Variants in S100PBP observed in about 807,000 individuals in gnomAD.
S100PBP encodes the protein S100P binding protein.
S100PBP carries 15 observed loss-of-function variants against 39.9 expected under a neutral mutation model. The ratio of observed to expected loss-of-function variants is 0.38; its 90% CI spans 0.25 to 0.58. The LOEUF is 0.58. Among genes scored for constraint, S100PBP ranks in the 20% least tolerant of loss-of-function variants. The pLI is 0.70. For synonymous variants in S100PBP, 178 were observed against 180.3 expected (o/e 0.99, Z 0.10); for missense variants, 504 against 487.3 (o/e 1.03, Z -0.32).
chr1:32,839,485 T>A (rs1248095950), intron 5 of S100PBP, among the ~76,000 whole-genome samples: 1 of 152,206 alleles, frequency 6.6e-6, no homozygotes, highest in Non-Finnish European at 1.5e-5. Context: ...AATTCTTACA[T>A]ACCAAGAAGA....
At chr1:32,825,107 A>G (rs1639266705) in intron 1 of S100PBP, 1 of 152,200 alleles carries the variant, frequency 6.6e-6, no homozygotes, top group Admixed American at 6.5e-5. Context: ...GGGAGGAACA[A>G]AACTAGTTTG....
intron 3 of S100PBP, 85 bp from the exon 4 acceptor site, chr1:32,827,908 A>G: frequency 1.0e-6 from 1 of 957,664 alleles, no homozygotes; most frequent in Non-Finnish European, 1.7e-6. Flanking sequence ...CTTTAGTTAA[A>G]AAATATTTCC....
intron 5 of S100PBP, among the ~76,000 whole-genome samples, chr1:32,833,527 A>T (rs1639690946): frequency 6.6e-6 from 1 of 152,066 alleles, no homozygotes; most frequent in South Asian, 2.1e-4. Context: ...ACACCTGGTT[A>T]ATTTTTGTAT....
At chr1:32,823,548 T>A (rs1639182610) in intron 1 of S100PBP, among the ~76,000 whole-genome samples, 1 of 152,140 alleles carries the variant, frequency 6.6e-6, no homozygotes, top group Non-Finnish European at 1.5e-5. Context: ...TAAGTTAGAG[T>A]CGTAAAATGT....
chr1:32,853,588 G>A (rs1434575154), intron 6 of S100PBP, among the ~76,000 whole-genome samples: 1 of 151,988 alleles, frequency 6.6e-6, no homozygotes, highest in East Asian at 1.9e-4. Context: ...AAAAAGTGAT[G>A]CAGTATAATG....
intron 5 of S100PBP, among the ~76,000 whole-genome samples, chr1:32,842,236 T>TATATATATACACACACACACAC (rs372174677): frequency 2.5e-5 from 2 of 80,854 alleles, no homozygotes; most frequent in Admixed American, 1.6e-4. Context: ...TATATATATA[T>TATATATATACACACACACACAC]ACACACACAC....
At chr1:32,851,591 G>A (rs775256894) in intron 5 of S100PBP, among the ~76,000 whole-genome samples, 7 of 151,112 alleles carry the variant, frequency 4.6e-5, no homozygotes, top group Non-Finnish European at 1.0e-4. Flanking sequence ...ACTTGAACCC[G>A]GGAGGAGGAG....
chr1:32,838,893 T>A (rs186375570), intron 5 of S100PBP, among the ~76,000 whole-genome samples: 110 of 152,300 alleles, frequency 7.2e-4, no homozygotes, highest in African/African-American at 2.5e-3. Flanking sequence ...ATTAAGTATA[T>A]TCATATTGTT....
chr1:32,857,790 C>T lies in S100PBP; in HGVS notation c.*1752C>T, dbSNP rs930623601. 1 of 152,186 alleles carries T rather than the reference C, an allele frequency of 6.6e-6. No homozygotes were observed. The highest frequency in any genetic ancestry group is 6.5e-5 in the Admixed American group (1 of 15,272). 9.4% of individuals were successfully genotyped at this position (152,186 alleles called of 1,614,324 possible). ...GTAATGCATTCTAAACATCCTACCC[C>T]ACTTTAGAAACGGACGTGGGGAACG... On this transcript the variant is annotated 3_prime_UTR_variant, in exon 7 of 7. Coordinates refer to ENST00000373475, the MANE Select transcript of S100PBP (RefSeq NM_022753.4).
At chr1:32,841,140 G>T (rs1322220446) in intron 5 of S100PBP, among the ~76,000 whole-genome samples, 1 of 146,152 alleles carries the variant, frequency 6.8e-6, no homozygotes, top group Non-Finnish European at 1.5e-5. Flanking sequence ...CAGCCTGGGC[G>T]ACAGAGCAAG....
intron 1 of S100PBP, chr1:32,818,627 A>T (rs1196612799): frequency 6.6e-6 from 1 of 152,268 alleles, no homozygotes; most frequent in Non-Finnish European, 1.5e-5. Flanking sequence ...CTCTGTGTCC[A>T]TGTGGGAGGA....
upstream of S100PBP, chr1:32,817,357 C>G: frequency 7.2e-7 from 1 of 1,382,706 alleles, no homozygotes; most frequent in Middle Eastern, 2.0e-4. Flanking sequence ...GTTGCATCAG[C>G]TGGGCTCGGC....
chr1:32,842,986 A>G (rs1640190353), intron 5 of S100PBP: 1 of 152,194 alleles, frequency 6.6e-6, no homozygotes, highest in Non-Finnish European at 1.5e-5. Flanking sequence ...AGTCTTGCAC[A>G]TCTTTTATCC....
intron 1 of S100PBP, among the ~76,000 whole-genome samples, chr1:32,824,110 A>G (rs947552018): frequency 6.6e-6 from 1 of 152,002 alleles, no homozygotes; most frequent in Admixed American, 6.6e-5. Flanking sequence ...AGGCAGGAGA[A>G]TGGCGTGAAC....
intron 6 of S100PBP, among the ~76,000 whole-genome samples, chr1:32,854,915 T>C (rs537284595): frequency 6.6e-6 from 1 of 152,322 alleles, no homozygotes; most frequent in African/African-American, 2.4e-5. Flanking sequence ...TGAATTCAAA[T>C]CCAGTTCTGC....
chr1:32,828,107 C>T, intron 4 of S100PBP, 26 bp downstream of exon 4: 2 of 1,469,304 alleles, frequency 1.4e-6, no homozygotes, highest in East Asian at 4.6e-5. Flanking sequence ...ATTAAATATT[C>T]TGATTTATTT....
chr1:32,829,862 C>CT (rs1639514542), intron 4 of S100PBP, 102 bp from the exon 5 acceptor site: 2 of 777,376 alleles, frequency 2.6e-6, no homozygotes, highest in Non-Finnish European at 4.3e-6. Flanking sequence ...GCCTCTGAAA[C>CT]TTAGTTCTAA....
intron 5 of S100PBP, among the ~76,000 whole-genome samples, chr1:32,850,023 TTGC>T (rs1640547423): frequency 6.6e-6 from 1 of 152,238 alleles, no homozygotes; most frequent in Non-Finnish European, 1.5e-5. Flanking sequence ...GTTATATAAA[TTGC>T]TGCTGCTGGA....
At chr1:32,850,458 G>A (rs921400867) in intron 5 of S100PBP, among the ~76,000 whole-genome samples, 7 of 152,194 alleles carry the variant, frequency 4.6e-5, no homozygotes, top group African/African-American at 1.7e-4. Flanking sequence ...TACAAATCCA[G>A]CAGGTAAGGA....
Sources: allele counts gnomAD v4.1 joint callset (sites outside exome capture counted in the v4.1 genomes callset), GRCh38; gene constraint gnomAD v4.1.1; transcripts MANE v1.5; gene names NCBI Gene and HGNC (gene_info 2026-07-23, HGNC 2026-07-21).